Variants in RHOT1 observed in about 807,000 individuals in gnomAD.
RHOT1 encodes ras homolog family member T1.
RHOT1 carries 27 observed loss-of-function variants against 95.3 expected under a neutral mutation model. The observed-to-expected ratio is 0.28, with a 90% CI of 0.21 to 0.39. RHOT1 has a LOEUF of 0.39. Among genes scored for constraint, RHOT1 ranks in the 10% least tolerant of loss-of-function variants. The pLI, the probability that RHOT1 is intolerant of heterozygous loss-of-function variation, is 1.00. For missense variants in RHOT1, 578 were observed against 786.7 expected, an observed-to-expected ratio of 0.73 and a Z score of 3.17; for synonymous variants, 227 against 263.5, an observed-to-expected ratio of 0.86 and a Z score of 1.34.
intron 1 of RHOT1, among the ~76,000 whole-genome samples, chr17:32,146,132 A>G (rs1446227643): frequency 1.3e-5 from 2 of 151,914 alleles, no homozygotes; most frequent in Non-Finnish European, 2.9e-5. Context: ...CTTTTATGCT[A>G]CTCTCTCCTT....
At chr17:32,155,794 A>G (rs533103382) in intron 1 of RHOT1, among the ~76,000 whole-genome samples, 2 of 150,828 alleles carry the variant, frequency 1.3e-5, no homozygotes, top group Admixed American at 6.6e-5. Flanking sequence ...CTCCCACCTC[A>G]GCCTCCCAAA....
At chr17:32,192,433 C>G (rs889217138) in intron 9 of RHOT1, 134 bp downstream of exon 9, 4 of 626,828 alleles carry the variant, frequency 6.4e-6, no homozygotes, top group Non-Finnish European at 1.1e-5. Context: ...ATAAAACTAT[C>G]TTTCACATCA....
intron 7 of RHOT1, 55 bp downstream of exon 7, chr17:32,182,920 C>G (rs6505286): frequency 1 from 1,153,777 of 1,153,850 alleles, 576,852 homozygotes; most frequent in Middle Eastern, 1. Context: ...TTACTAAATT[C>G]GGGTTTTAAA....
chr17:32,190,605 TTTAAATTA>T (rs1464796239), intron 8 of RHOT1, among the ~76,000 whole-genome samples: 1 of 152,238 alleles, frequency 6.6e-6, no homozygotes, highest in African/African-American at 2.4e-5. Context: ...TTTGGAAACA[TTTAAATTA>T]TTAAACTTTT....
At position 32,171,042 on chromosome 17, in the gene RHOT1, G is replaced by A; in HGVS notation, c.38-1G>A. On this transcript the variant is annotated splice_acceptor_variant, in intron 1 of 19. Coordinates refer to ENST00000545287, the MANE Select transcript of RHOT1 (RefSeq NM_001033566.3). LOFTEE classifies it high-confidence loss of function. ...TAAAGTAACGATTTTTCTTTTCACA[G>A]CTAGAGTTGGGAAGACATCACTGAT... 1 of 1,601,122 alleles carries A rather than the reference G, an allele frequency of 6.2e-7. No individual in the cohort carries two copies. The highest frequency in any genetic ancestry group is 8.5e-7 in the Non-Finnish European group (1 of 1,173,322).
Position 32,207,688 on chromosome 17 carries a change from AGTGGTTAT to A in RHOT1, c.1537-416_1537-409del, listed in dbSNP as rs1567721640. 970 of 160,346 alleles carry A rather than the reference AGTGGTTAT, an allele frequency of 6.0e-3. 13 individuals carry two copies. Among genetic ancestry groups the A allele is most frequent in the African/African-American group, 0.021 (879 of 41,656 alleles). The allele number at this position is 160,346 out of a possible 1,614,324, so 9.9% of individuals were successfully genotyped here. ...TGGAGGACACAGTATTACATTTTTA[AGTGGTTAT>A]GTCCAGCATGACTGCGACTATACAG... On this transcript the variant is annotated intron_variant, in intron 17 of 19. Coordinates refer to ENST00000545287, the MANE Select transcript of RHOT1 (RefSeq NM_001033566.3).
At chr17:32,151,672 G>A (rs2032314023) in intron 1 of RHOT1, among the ~76,000 whole-genome samples, 1 of 152,048 alleles carries the variant, frequency 6.6e-6, no homozygotes, top group Admixed American at 6.6e-5. Context: ...CACGAGGTCA[G>A]GAGTTCAAGA....
intron 16 of RHOT1, among the ~76,000 whole-genome samples, chr17:32,205,797 C>G (rs1222933757): frequency 6.6e-6 from 1 of 152,188 alleles, no homozygotes; most frequent in Admixed American, 6.5e-5. Context: ...CTGCCCACCT[C>G]AGTCTCCCAA....
intron 1 of RHOT1, among the ~76,000 whole-genome samples, chr17:32,151,958 G>C (rs1197479920): frequency 6.6e-6 from 1 of 150,946 alleles, no homozygotes; most frequent in African/African-American, 2.4e-5. Flanking sequence ...ATTTTTAGAA[G>C]ATCTTTTATT....
intron 1 of RHOT1, among the ~76,000 whole-genome samples, chr17:32,156,612 T>C (rs546545086): frequency 7.2e-5 from 11 of 152,334 alleles, no homozygotes; most frequent in East Asian, 3.9e-4. Context: ...ACAGACCTGT[T>C]TTCTAGGTGT....
chr17:32,196,350 C>G (rs2036887742), intron 11 of RHOT1, among the ~76,000 whole-genome samples: 1 of 152,020 alleles, frequency 6.6e-6, no homozygotes, highest in South Asian at 2.1e-4. Flanking sequence ...GGCCACCATT[C>G]CCAGATAATT....
chr17:32,187,396 C>T (rs1278250706), intron 8 of RHOT1, among the ~76,000 whole-genome samples: 1 of 151,708 alleles, frequency 6.6e-6, no homozygotes, highest in Non-Finnish European at 1.5e-5. Context: ...AGGTGTGAGT[C>T]ACCACACCAC....
At position 32,224,952 on chromosome 17, in the gene RHOT1, C is replaced by T. The variant is rs776927156; in HGVS notation, c.*219C>T. On this transcript the variant is annotated 3_prime_UTR_variant, in exon 20 of 20. Transcript: ENST00000545287. ...ACAGCCAAACTAAAATGGCTAAATT[C>T]CAGAGGCCAAAAGGGAATATTTTGT... 2.8e-6 allele frequency: 1 copy of T among 355,700 alleles called. No homozygotes were observed. Among genetic ancestry groups the T allele is most frequent in the East Asian group, 4.7e-5 (1 of 21,360 alleles). The allele number at this position is 355,700 out of a possible 1,614,324, so 22.0% of individuals were successfully genotyped here.
At chr17:32,146,899 A>ATTTT (rs71144808) in intron 1 of RHOT1, among the ~76,000 whole-genome samples, 1 of 98,026 alleles carries the variant, frequency 1.0e-5, no homozygotes, top group African/African-American at 4.4e-5. Flanking sequence ...ATTTTTGTAA[A>ATTTT]TTTTTTTTTT....
chr17:32,224,936 C>T lies in RHOT1; in HGVS notation c.*203C>T. The T allele has an allele frequency of 2.7e-6, 1 of 371,440 alleles. No homozygotes were observed. The highest frequency in any genetic ancestry group is 5.0e-6 in the Non-Finnish European group (1 of 201,060). The allele number at this position is 371,440 out of a possible 1,614,324, so 23.0% of individuals were successfully genotyped here. A position where few individuals can be genotyped will look rare whatever the true frequency, so the allele number is the denominator to read the frequency against. On this transcript the variant is annotated 3_prime_UTR_variant, in exon 20 of 20. Transcript: ENST00000545287. Reference sequence around the variant, plus strand: ...GGAAAGAAAACAGCTAACAGCCAAACTAAAATGGCTAAATTCCAGAGGCCA... The same window carrying T: ...GGAAAGAAAACAGCTAACAGCCAAATTAAAATGGCTAAATTCCAGAGGCCA...
chr17:32,179,761 G>A (rs180913992), intron 6 of RHOT1: 144 of 150,442 alleles, frequency 9.6e-4, no homozygotes, highest in Non-Finnish European at 1.6e-3. Flanking sequence ...CATCTGGGAA[G>A]TGAGGAACGC....
chr17:32,156,415 C>T (rs112671525), intron 1 of RHOT1, among the ~76,000 whole-genome samples: 11 of 152,012 alleles, frequency 7.2e-5, no homozygotes, highest in Non-Finnish European at 1.5e-4. Context: ...TACAAGCACA[C>T]GCCACCATGC....
intron 6 of RHOT1, among the ~76,000 whole-genome samples, chr17:32,178,201 C>T (rs2035180440): frequency 7.2e-6 from 1 of 138,346 alleles, no homozygotes; most frequent in Admixed American, 6.9e-5. Context: ...TAATAAATGC[C>T]CTCCCCCCCC....
chr17:32,197,964 G>A (rs2037031079), intron 11 of RHOT1, among the ~76,000 whole-genome samples: 2 of 152,200 alleles, frequency 1.3e-5, no homozygotes, highest in Admixed American at 6.5e-5. Context: ...GTGCAAACAC[G>A]GCTCACTGCA....
Sources: allele counts gnomAD v4.1 joint callset (sites outside exome capture counted in the v4.1 genomes callset), GRCh38; gene constraint gnomAD v4.1.1; transcripts MANE v1.5; gene names NCBI Gene and HGNC (gene_info 2026-07-23, HGNC 2026-07-21).